Variants in TNKS observed in about 807,000 individuals in gnomAD.
TNKS encodes the protein tankyrase.
TNKS carries 72 observed loss-of-function variants against 135.8 expected under a neutral mutation model. The ratio of observed to expected loss-of-function variants is 0.53; its 90% confidence interval spans 0.44 to 0.64. The LOEUF (loss-of-function observed/expected upper bound fraction) is 0.64. Among genes scored for constraint, TNKS ranks in the 30% least tolerant of loss-of-function variants. The pLI is 0.00. For missense variants in TNKS, 1,769 were observed against 1,674.0 expected (o/e 1.06, Z -0.99); for synonymous variants, 849 against 649.3 (o/e 1.31, Z -4.68).
At chr8:9,744,461 A>T (rs1806132948) in intron 17 of TNKS, among the ~76,000 whole-genome samples, 1 of 152,222 alleles carries the variant, frequency 6.6e-6, no homozygotes, top group African/African-American at 2.4e-5. Context: ...ACTGAAGCCA[A>T]GCATGTTTCT....
Position 9,660,779 on chromosome 8 carries a change from A to T in TNKS, c.995-19172A>T, listed in dbSNP as rs534534958. 1.4e-4 allele frequency among the ~76,000 whole-genome samples: 22 copies of T among 152,288 alleles called. No homozygotes were observed. In the South Asian group the frequency reaches 4.6e-3, roughly 32 times the overall value. On this transcript the variant is annotated intron_variant, in intron 3 of 26. Coordinates refer to ENST00000310430, the MANE Select transcript of TNKS (RefSeq NM_003747.3). ...AGGAAATAAAGGGCATTCAGTTAGG[A>T]AAAGAGGAAGTCAGATTGTCCCTGT...
chr8:9,655,616 G>A (rs1030574120), intron 3 of TNKS, among the ~76,000 whole-genome samples: 7 of 152,200 alleles, frequency 4.6e-5, no homozygotes, highest in African/African-American at 1.7e-4. Flanking sequence ...ACTGCTGCCT[G>A]ATACCCAGAC....
chr8:9,747,890 T>G, intron 17 of TNKS, 134 bp from the exon 18 acceptor site: 1 of 869,480 alleles, frequency 1.2e-6, no homozygotes, highest in Non-Finnish European at 1.7e-6. Flanking sequence ...ACTCTTTTTT[T>G]TAGAAGAAAC....
At chr8:9,761,383 C>T (rs909295416) in intron 20 of TNKS, 133 bp from the exon 21 acceptor site, 11 of 852,204 alleles carry the variant, frequency 1.3e-5, no homozygotes, top group South Asian at 1.2e-4. Context: ...AAATTGTAAG[C>T]TCATGTTTAT....
At chr8:9,722,084 A>T (rs1055600122) in intron 12 of TNKS, among the ~76,000 whole-genome samples, 5 of 151,910 alleles carry the variant, frequency 3.3e-5, no homozygotes, top group Non-Finnish European at 7.4e-5. Flanking sequence ...AGAAAAGAAA[A>T]AAATGCCCTA....
intron 2 of TNKS, among the ~76,000 whole-genome samples, chr8:9,588,556 G>A (rs1185587668): frequency 6.6e-6 from 1 of 152,214 alleles, no homozygotes; most frequent in African/African-American, 2.4e-5. Context: ...GATTATAGGC[G>A]TGAGCTGCCG....
intron 1 of TNKS, chr8:9,557,184 A>T (rs896975942): frequency 6.5e-6 from 1 of 154,054 alleles, no homozygotes; most frequent in Admixed American, 6.4e-5. Context: ...GAATATTTGG[A>T]TGCATTATAT....
chr8:9,695,808 G>C (rs545321319), intron 5 of TNKS, among the ~76,000 whole-genome samples: 65 of 152,120 alleles, frequency 4.3e-4, no homozygotes, highest in Non-Finnish European at 8.7e-4. Context: ...TAGTCTGATG[G>C]GTTGAGCATA....
intron 3 of TNKS, among the ~76,000 whole-genome samples, chr8:9,665,438 C>T (rs1336293270): frequency 6.6e-6 from 1 of 152,152 alleles, no homozygotes; most frequent in African/African-American, 2.4e-5. Context: ...GTTTTTTATT[C>T]GTATTTCCAC....
intron 17 of TNKS, chr8:9,741,806 G>A: frequency 2.2e-6 from 1 of 464,452 alleles, no homozygotes; most frequent in Non-Finnish European, 4.7e-6. Flanking sequence ...AGGCTGACTT[G>A]CTGTCACCTG....
intron 7 of TNKS, among the ~76,000 whole-genome samples, chr8:9,706,506 G>T (rs985176084): frequency 5.3e-5 from 8 of 152,160 alleles, no homozygotes; most frequent in African/African-American, 1.9e-4. Context: ...GGGATTACAG[G>T]GGTGTGCCAC....
intron 2 of TNKS, among the ~76,000 whole-genome samples, chr8:9,597,649 G>A (rs1376330828): frequency 6.6e-6 from 1 of 152,146 alleles, no homozygotes; most frequent in Non-Finnish European, 1.5e-5. Context: ...GTGGTTTGCT[G>A]TAACCAAATA....
In TNKS at chr8:9,556,395, G is replaced by C; in HGVS notation, c.456G>C (p.Glu152Asp). ...CCTCCCCTGGATCGAGCTTGGCGGAGAGCCCCGAGGCGGCCGGAGTTAGCA... is the reference window on the plus strand; with the variant it reads ...CCTCCCCTGGATCGAGCTTGGCGGACAGCCCCGAGGCGGCCGGAGTTAGCA... The part of the protein sequence containing the change: ...SPSSPGSSLA[E>D]SPEAAGVSST... Residue 152 changes from glutamate to aspartate, a missense_variant, in exon 1 of 27, where the codon GAG becomes GAC. By Grantham distance (45) the Glu-to-Asp change is conservative (BLOSUM62 2). Around this residue, in one of 5 missense-constraint regions of TNKS, gnomAD observed 450 missense variants for 304.9 expected, o/e 1.48. Transcript: ENST00000310430. 1 of 1,614,182 alleles carries C rather than the reference G, an allele frequency of 6.2e-7. No individual in the cohort carries two copies. Among genetic ancestry groups the C allele is most frequent in the Admixed American group, 1.7e-5 (1 of 60,028 alleles).
At chr8:9,575,373 G>T (rs1221422348) in intron 1 of TNKS, 3 of 985,062 alleles carry the variant, frequency 3.0e-6, no homozygotes, top group East Asian at 2.3e-4. Flanking sequence ...CACCGCGCCC[G>T]GCGGATAATT....
chr8:9,613,864 C>T (rs1317087512), intron 2 of TNKS, among the ~76,000 whole-genome samples: 8 of 152,174 alleles, frequency 5.3e-5, no homozygotes, highest in Admixed American at 3.9e-4. Context: ...TTACTTCTAG[C>T]ACTCATTAAA....
At chr8:9,667,491 G>A (rs1326841054) in intron 3 of TNKS, among the ~76,000 whole-genome samples, 2 of 152,216 alleles carry the variant, frequency 1.3e-5, no homozygotes, top group African/African-American at 2.4e-5. Flanking sequence ...CCTGACCTCT[G>A]CATCTTATAA....
chr8:9,654,148 G>C (rs940696810), intron 3 of TNKS, among the ~76,000 whole-genome samples: 45 of 152,166 alleles, frequency 3.0e-4, no homozygotes, highest in Non-Finnish European at 4.3e-4. Flanking sequence ...TGATTAGCCA[G>C]AAGTGGAGCA....
At chr8:9,633,985 A>G (rs1229544592) in intron 3 of TNKS, among the ~76,000 whole-genome samples, 1 of 152,044 alleles carries the variant, frequency 6.6e-6, no homozygotes, top group African/African-American at 2.4e-5. Flanking sequence ...AATAACATTC[A>G]TTCTTTTAAG....
intron 26 of TNKS, chr8:9,772,225 G>A (rs938432389): frequency 3.9e-5 from 14 of 356,412 alleles, no homozygotes; most frequent in South Asian, 1.3e-4. Flanking sequence ...GAATATTTGC[G>A]TGGTTTTCTT....
Sources: allele counts gnomAD v4.1 joint callset (sites outside exome capture counted in the v4.1 genomes callset), GRCh38; gene constraint gnomAD v4.1.1; regional missense constraint gnomAD v4.1.1; transcripts MANE v1.5; gene names NCBI Gene and HGNC (gene_info 2026-07-23, HGNC 2026-07-21).